Variants in SHISA6 observed in about 807,000 individuals in gnomAD.
SHISA6 encodes the protein shisa family member 6.
Under a neutral mutation model 47.9 loss-of-function variants are expected in SHISA6, and 22 were observed. That is an observed-to-expected ratio of 0.46 (90% confidence interval 0.33 to 0.66). The LOEUF is 0.66. SHISA6 is among the 30% of genes least tolerant of loss of function. The pLI is 0.02. For missense variants in SHISA6, 680 were observed against 764.6 expected, an observed-to-expected ratio of 0.89 and a Z score of 1.30; for synonymous variants, 388 against 337.8, an observed-to-expected ratio of 1.15 and a Z score of -1.63.
intron 3 of SHISA6, among the ~76,000 whole-genome samples, chr17:11,487,920 C>T (rs558617484): frequency 6.6e-6 from 1 of 152,240 alleles, no homozygotes; most frequent in Non-Finnish European, 1.5e-5. Context: ...GGAGCCTGGC[C>T]AAATGTTTGC....
In SHISA6 at chr17:11,410,617, C is replaced by T. The variant is rs149198583; in HGVS notation, c.895+31108C>T. Among the ~76,000 whole-genome samples the T allele has an allele frequency of 1.4e-3, 163 of 118,986 alleles. No individual in the cohort carries two copies. In the East Asian group the frequency reaches 0.03, roughly 22 times the overall value. The allele number at this position is 118,986 out of a possible 152,430, so 78.1% of individuals were successfully genotyped here. A position where few individuals can be genotyped will look rare whatever the true frequency, so the allele number is the denominator to read the frequency against. ...ATAACCTCGCTGACTGATAGTGTCA[C>T]TATGGATATTGGACGCCCCCTTCAT... On this transcript the variant is annotated intron_variant, in intron 3 of 5. Transcript: ENST00000441885.
intron 3 of SHISA6, among the ~76,000 whole-genome samples, chr17:11,498,141 G>A (rs891177564): frequency 4.6e-5 from 7 of 152,216 alleles, no homozygotes; most frequent in Admixed American, 4.6e-4. Flanking sequence ...ACAGGTGGGA[G>A]ATACTGGGGA....
intron 2 of SHISA6, among the ~76,000 whole-genome samples, chr17:11,286,343 A>G (rs896668642): frequency 2.0e-5 from 3 of 152,092 alleles, no homozygotes; most frequent in African/African-American, 4.8e-5. Context: ...TGTTTTTGCT[A>G]TTCTCTGCCC....
intron 3 of SHISA6, among the ~76,000 whole-genome samples, chr17:11,524,584 C>T (rs2071659871): frequency 6.6e-6 from 1 of 151,398 alleles, no homozygotes; most frequent in Non-Finnish European, 1.5e-5. Context: ...ACAACCTCTG[C>T]CTCCCGGGTT....
chr17:11,561,010 C>A lies in SHISA6; in HGVS notation c.*2706C>A, dbSNP rs1286410565. 1 of 152,134 alleles carries A rather than the reference C, an allele frequency of 6.6e-6. No homozygotes were observed. The highest frequency in any genetic ancestry group is 1.5e-5 in the Non-Finnish European group (1 of 68,036). 9.4% of individuals were successfully genotyped at this position (152,134 alleles called of 1,614,324 possible). On this transcript the variant is annotated 3_prime_UTR_variant, in exon 6 of 6. Transcript: ENST00000441885. ...CAATTCAGTCCCACATTTCAAAATC[C>A]AGAAAACTATGTCATAGCTGGGACA...
At chr17:11,351,464 T>C (rs1478593359) in intron 2 of SHISA6, among the ~76,000 whole-genome samples, 1 of 152,186 alleles carries the variant, frequency 6.6e-6, no homozygotes, top group Non-Finnish European at 1.5e-5. Context: ...AGTACCTACC[T>C]AGTAAAAATT....
chr17:11,409,772 T>C (rs1279056247), intron 3 of SHISA6, among the ~76,000 whole-genome samples: 2 of 151,468 alleles, frequency 1.3e-5, no homozygotes, highest in Admixed American at 6.6e-5. Context: ...TAGGAGTTCT[T>C]GGGATATCAT....
intron 3 of SHISA6, among the ~76,000 whole-genome samples, chr17:11,505,913 G>T (rs936434651): frequency 6.6e-6 from 1 of 152,120 alleles, no homozygotes; most frequent in African/African-American, 2.4e-5. Context: ...GGCAGTCCAC[G>T]ATGCGTATTG....
chr17:11,466,163 A>G (rs1481308503), intron 3 of SHISA6, among the ~76,000 whole-genome samples: 1 of 152,298 alleles, frequency 6.6e-6, no homozygotes, highest in South Asian at 2.1e-4. Context: ...TCTGCACACA[A>G]TCACTGCTCA....
chr17:11,267,073 T>A (rs1908451711), intron 2 of SHISA6, among the ~76,000 whole-genome samples: 1 of 152,222 alleles, frequency 6.6e-6, no homozygotes. Flanking sequence ...ATGTGAAAGT[T>A]TCTAATCCCA....
At chr17:11,395,003 T>C (rs1015049103) in intron 3 of SHISA6, among the ~76,000 whole-genome samples, 53 of 142,426 alleles carry the variant, frequency 3.7e-4, no homozygotes, top group Admixed American at 1.2e-3. Context: ...CTTTTCTTTT[T>C]TTTTTTTTTT....
chr17:11,464,185 G>A (rs938935308), intron 3 of SHISA6, among the ~76,000 whole-genome samples: 1 of 152,082 alleles, frequency 6.6e-6, no homozygotes, highest in African/African-American at 2.4e-5. Context: ...CCAAAGTACT[G>A]GGATTACAGA....
intron 2 of SHISA6, among the ~76,000 whole-genome samples, chr17:11,323,184 C>T (rs11651038): frequency 0.27 from 41,191 of 152,024 alleles, 6,474 homozygotes; most frequent in Non-Finnish European, 0.35. Context: ...AAATCTCAAA[C>T]CGTTCTAATT....
intron 5 of SHISA6, among the ~76,000 whole-genome samples, 190 bp from the exon 6 acceptor site, chr17:11,557,564 T>C (rs1198527508): frequency 6.6e-6 from 1 of 152,226 alleles, no homozygotes; most frequent in Non-Finnish European, 1.5e-5. Flanking sequence ...CCCCAGAGAA[T>C]GGTTTGCACA....
At chr17:11,555,637 C>A in intron 4 of SHISA6, 103 bp from the exon 5 acceptor site, 1 of 1,312,782 alleles carries the variant, frequency 7.6e-7, no homozygotes, top group Non-Finnish European at 1.0e-6. Context: ...GCACAGAGGT[C>A]CAGGAAAGGA....
intron 2 of SHISA6, among the ~76,000 whole-genome samples, chr17:11,341,333 T>C (rs1198268709): frequency 1.3e-4 from 18 of 141,338 alleles, no homozygotes; most frequent in Admixed American, 4.9e-4. Flanking sequence ...TCTCTCTTTT[T>C]TTTTTTTTTT....
At chr17:11,531,787 A>G (rs2071735567) in intron 3 of SHISA6, among the ~76,000 whole-genome samples, 1 of 152,210 alleles carries the variant, frequency 6.6e-6, no homozygotes, top group African/African-American at 2.4e-5. Flanking sequence ...CGTGACTATA[A>G]TTAACAGCCA....
At chr17:11,372,822 C>T (rs1912672145) in intron 2 of SHISA6, among the ~76,000 whole-genome samples, 1 of 152,094 alleles carries the variant, frequency 6.6e-6, no homozygotes, top group South Asian at 2.1e-4. Flanking sequence ...ATTCAAGCTC[C>T]CTCTCAGCTT....
chr17:11,382,073 T>TAG (rs112046629), intron 3 of SHISA6, among the ~76,000 whole-genome samples: 316 of 150,252 alleles, frequency 2.1e-3, no homozygotes, highest in African/African-American at 6.4e-3. Flanking sequence ...TTCCGTTTTT[T>TAG]AGAGAGAGAG....
Sources: gnomAD v4.1 joint callset for allele counts (sites outside exome capture counted in the v4.1 genomes callset) on GRCh38, gnomAD v4.1.1 for gene constraint, MANE v1.5 for transcripts, NCBI Gene and HGNC (gene_info 2026-07-23, HGNC 2026-07-21) for gene names.